Variants in AHI1 observed in about 807,000 individuals in gnomAD.
The protein encoded by AHI1 is jouberin.
In AHI1, 123 loss-of-function variants were observed where a neutral mutation model predicts 149.3. That is an observed-to-expected ratio of 0.82 (90% CI 0.71 to 0.96). The LOEUF is 0.96. Ranked by LOEUF, AHI1 falls within the 40% of genes least tolerant of loss-of-function variation. The pLI, the probability that AHI1 is intolerant of heterozygous loss-of-function variation, is 0.00. For synonymous variants in AHI1, 475 were observed against 459.8 expected (o/e 1.03, Z -0.42); for missense variants, 1,439 against 1,422.7 (o/e 1.01, Z -0.18).
At chr6:135,475,271 G>A (rs199716745) in intron 5 of AHI1, among the ~76,000 whole-genome samples, 2 of 152,054 alleles carry the variant, frequency 1.3e-5, no homozygotes, top group Middle Eastern at 3.4e-3. Flanking sequence ...TCCTGATATC[G>A]GCAATTTGCG....
chr6:135,490,765 A>G lies in AHI1; in HGVS notation c.11-18T>C. ...ACTCTCAGCTACAAAAGATACAGCC[A>G]TGTGATTTTGTAAATGACTCTATCA... On this transcript the variant is annotated intron_variant, in intron 4 of 28. Coordinates refer to ENST00000265602, the MANE Select transcript of AHI1 (RefSeq NM_001134831.2). 6.2e-7 allele frequency: 1 copy of G among 1,610,314 alleles called. No individual in the cohort carries two copies. The highest frequency in any genetic ancestry group is 2.2e-5 in the East Asian group (1 of 44,790).
At position 135,478,331 on chromosome 6, in the gene AHI1, T is replaced by C. The variant is rs1461424735; in HGVS notation, c.136-10697A>G. On this transcript the variant is annotated intron_variant, in intron 5 of 28. Transcript: ENST00000265602. ...ATGCAGATACTGATATGAACAGAGA[T>C]GGCCAGGCTGACGAGGTCTCAAATG... Among the ~76,000 whole-genome samples, 4 of 152,166 alleles carry C rather than the reference T, an allele frequency of 2.6e-5. No homozygotes were observed. In the East Asian group the frequency reaches 7.7e-4, roughly 29 times the overall value.
Position 135,455,766 on chromosome 6 carries a change from C to A in AHI1, c.1312G>T (p.Asp438Tyr). 1.2e-6 allele frequency: 2 copies of A among 1,603,892 alleles called. No individual in the cohort carries two copies. The highest frequency in any genetic ancestry group is 1.7e-6 in the Non-Finnish European group (2 of 1,174,284). Reference sequence around the variant, plus strand: ...AACAGGATGACTTTAGGACTCTCATCAGAGCCTCGAAGCAAATAGGGAAAA... The same window carrying A: ...AACAGGATGACTTTAGGACTCTCATAAGAGCCTCGAAGCAAATAGGGAAAA... ...ENFPYLLRGS[D>Y]ESPKVILFFE... Residue 438 changes from aspartate to tyrosine, a missense_variant, in exon 10 of 29, where the codon GAT becomes TAT. By Grantham distance (160) the Asp-to-Tyr change is radical. Coordinates refer to ENST00000265602, the MANE Select transcript of AHI1 (RefSeq NM_001134831.2).
At chr6:135,373,388 G>C (rs1354575401) in intron 23 of AHI1, among the ~76,000 whole-genome samples, 1 of 152,108 alleles carries the variant, frequency 6.6e-6, no homozygotes, top group African/African-American at 2.4e-5. Flanking sequence ...ATCTAGGTTT[G>C]TGTAAGTACA....
chr6:135,385,024 G>A (rs1777379154), intron 23 of AHI1, among the ~76,000 whole-genome samples: 1 of 152,158 alleles, frequency 6.6e-6, no homozygotes, highest in Non-Finnish European at 1.5e-5. Flanking sequence ...GGGGGACAGA[G>A]GTTGCAGTGA....
chr6:135,382,110 T>C (rs968799090), intron 23 of AHI1, among the ~76,000 whole-genome samples: 6 of 152,210 alleles, frequency 3.9e-5, no homozygotes, highest in African/African-American at 7.2e-5. Context: ...AGGAAAAAAG[T>C]AAATTGTCTG....
chr6:135,468,002 G>A (rs1791059371), intron 5 of AHI1, among the ~76,000 whole-genome samples: 1 of 152,066 alleles, frequency 6.6e-6, no homozygotes, highest in Non-Finnish European at 1.5e-5. Context: ...AATACATACT[G>A]GGGTTTGATC....
chr6:135,470,226 C>T (rs939089972), intron 5 of AHI1, among the ~76,000 whole-genome samples: 1 of 152,168 alleles, frequency 6.6e-6, no homozygotes, highest in Non-Finnish European at 1.5e-5. Flanking sequence ...AGGTCAACAT[C>T]ACTGATGGTT....
chr6:135,468,384 G>A (rs1459893207), intron 5 of AHI1, among the ~76,000 whole-genome samples: 1 of 152,014 alleles, frequency 6.6e-6, no homozygotes, highest in East Asian at 1.9e-4. Flanking sequence ...AGAAATAAAG[G>A]ATACAGAGAC....
At chr6:135,438,598 T>C (rs1785775677) in intron 14 of AHI1, 100 bp from the exon 15 acceptor site, 2 of 925,902 alleles carry the variant, frequency 2.2e-6, no homozygotes, top group South Asian at 9.0e-5. Flanking sequence ...AAGCAGTCTA[T>C]AACAAAATTA....
At chr6:135,302,222 C>T in intron 26 of AHI1, 1 of 985,310 alleles carries the variant, frequency 1.0e-6, no homozygotes, top group Non-Finnish European at 1.2e-6. Flanking sequence ...AACTTACCAT[C>T]AATATAGGTA....
chr6:135,414,798 A>T (rs1264115964), intron 20 of AHI1, among the ~76,000 whole-genome samples: 2 of 151,674 alleles, frequency 1.3e-5, no homozygotes, highest in Admixed American at 6.6e-5. Context: ...CTTTTTTTAA[A>T]TTTTTTTATT....
rs549553582 is a variant in AHI1 at position 135,400,542 on chromosome 6, C to T, written c.2988+4409G>A. On this transcript the variant is annotated intron_variant, in intron 22 of 28. Transcript: ENST00000265602. Reference sequence around the variant, plus strand: ...GGGACAGATACATAAAGATTAGAAGCGAAAGCAGTTATTATGTAAAATTTA... The same window carrying T: ...GGGACAGATACATAAAGATTAGAAGTGAAAGCAGTTATTATGTAAAATTTA... Among the ~76,000 whole-genome samples the T allele has an allele frequency of 5.9e-5, 9 of 151,564 alleles. No individual in the cohort carries two copies. In the South Asian group the frequency reaches 1.3e-3, roughly 21 times the overall value.
intron 13 of AHI1, among the ~76,000 whole-genome samples, chr6:135,442,998 C>CCA (rs983667509): frequency 1.2e-4 from 19 of 152,196 alleles, no homozygotes; most frequent in Admixed American, 1.2e-3. Context: ...GCCATCACTG[C>CCA]CACACTGCTT....
chr6:135,407,749 A>G (rs1780994783), intron 21 of AHI1, among the ~76,000 whole-genome samples: 1 of 152,186 alleles, frequency 6.6e-6, no homozygotes, highest in Non-Finnish European at 1.5e-5. Context: ...ACAGTGGCTC[A>G]TGCCTGTAAT....
At chr6:135,325,112 C>T (rs1367624320) in intron 24 of AHI1, among the ~76,000 whole-genome samples, 7 of 151,718 alleles carry the variant, frequency 4.6e-5, no homozygotes, top group African/African-American at 1.7e-4. Flanking sequence ...CTGCAACCTC[C>T]GCCACCCGGG....
At chr6:135,285,786 A>T (rs766157016) in intron 28 of AHI1, 139 bp from the exon 29 acceptor site, 7 of 669,594 alleles carry the variant, frequency 1.0e-5, no homozygotes, top group Non-Finnish European at 1.8e-5. Flanking sequence ...AAACACAACT[A>T]AAAAAGACCA....
intron 24 of AHI1, among the ~76,000 whole-genome samples, chr6:135,342,787 C>T (rs567946303): frequency 3.0e-4 from 45 of 151,686 alleles, no homozygotes; most frequent in African/African-American, 1.0e-3. Flanking sequence ...CCTATAAAGG[C>T]TATATATAGG....
chr6:135,336,269 T>C (rs1582658924), intron 24 of AHI1, among the ~76,000 whole-genome samples: 1 of 152,224 alleles, frequency 6.6e-6, no homozygotes, highest in Non-Finnish European at 1.5e-5. Context: ...ATAGCTGTCA[T>C]AATGTCACAG....
Sources: gnomAD v4.1 joint callset for allele counts (sites outside exome capture counted in the v4.1 genomes callset) on GRCh38, gnomAD v4.1.1 for gene constraint, MANE v1.5 for transcripts, NCBI Gene and HGNC (gene_info 2026-07-23, HGNC 2026-07-21) for gene names.